MINK1: variants seen among roughly 807,000 people sequenced by gnomAD.
The protein encoded by MINK1 is misshapen-like kinase 1.
Under a neutral mutation model 178.4 loss-of-function variants are expected in MINK1, and 46 were observed. The ratio of observed to expected loss-of-function variants is 0.26; its 90% CI spans 0.20 to 0.33. The LOEUF is 0.33. MINK1 is among the 10% of genes least tolerant of loss of function. The pLI is 1.00. For synonymous variants in MINK1, 797 were observed against 709.7 expected (o/e 1.12, Z -1.96); for missense variants, 1,366 against 1,814.9 (o/e 0.75, Z 4.49).
chr17:4,866,808 T>C (rs533605844), intron 1 of MINK1, among the ~76,000 whole-genome samples: 1 of 151,490 alleles, frequency 6.6e-6, no homozygotes, highest in South Asian at 2.1e-4. Context: ...GCGCGGTGGC[T>C]CACGCCTGGA....
At chr17:4,882,117 A>G (rs1272206797) in intron 4 of MINK1, among the ~76,000 whole-genome samples, 1 of 152,246 alleles carries the variant, frequency 6.6e-6, no homozygotes, top group African/African-American at 2.4e-5. Flanking sequence ...TCTACCTGCC[A>G]GGTGTGTGTG....
chr17:4,834,778 G>C (rs1424182885), intron 1 of MINK1: 2 of 520,082 alleles, frequency 3.8e-6, no homozygotes, highest in Non-Finnish European at 7.7e-6. Flanking sequence ...CCCATCTCTA[G>C]GTTCGCTTCT....
At position 4,892,644 on chromosome 17, in the gene MINK1, C is replaced by T. The variant is rs1331228704; in HGVS notation, c.2199-12C>T. On this transcript the variant is annotated splice_polypyrimidine_tract_variant and intron_variant, in intron 18 of 31. Coordinates refer to ENST00000355280, the MANE Select transcript of MINK1 (RefSeq NM_153827.5). ...CCGTGCCTCCCTGACCCTGACTCTG[C>T]CCCCCCAACAGTAACCCCGACCTCA... The T allele has an allele frequency of 1.3e-6, 2 of 1,586,738 alleles. No individual in the cohort carries two copies. The highest frequency in any genetic ancestry group is 1.7e-6 in the Non-Finnish European group (2 of 1,163,752).
chr17:4,837,431 A>G (rs1416913106), intron 1 of MINK1, among the ~76,000 whole-genome samples: 1 of 152,232 alleles, frequency 6.6e-6, no homozygotes, highest in African/African-American at 2.4e-5. Flanking sequence ...TTTATGCACA[A>G]TTAAGAATAT....
At chr17:4,869,109 A>G (rs971337818) in intron 1 of MINK1, among the ~76,000 whole-genome samples, 2 of 151,640 alleles carry the variant, frequency 1.3e-5, no homozygotes, top group African/African-American at 4.8e-5. Context: ...TATTTTTAGT[A>G]GAGACGGGGT....
chr17:4,863,083 A>T (rs957767368), intron 1 of MINK1, among the ~76,000 whole-genome samples: 2 of 152,212 alleles, frequency 1.3e-5, no homozygotes, highest in African/African-American at 4.8e-5. Context: ...TGCCAAGGGA[A>T]AAGAAAAGAG....
chr17:4,859,081 C>G (rs1235735950), intron 1 of MINK1: 1 of 963,646 alleles, frequency 1.0e-6, no homozygotes, highest in South Asian at 4.8e-5. Context: ...CTGGCTCTAG[C>G]AGCAGGACCT....
chr17:4,873,143 C>T (rs543711747), intron 1 of MINK1, among the ~76,000 whole-genome samples: 1 of 152,332 alleles, frequency 6.6e-6, no homozygotes, highest in East Asian at 1.9e-4. Flanking sequence ...CCTCTTCTGG[C>T]GTCTGTTCTG....
chr17:4,894,160 C>T lies in MINK1; in HGVS notation c.2671-14C>T, dbSNP rs1380729509. The T allele has an allele frequency of 1.2e-6, 2 of 1,613,378 alleles. No homozygotes were observed. Among genetic ancestry groups the T allele is most frequent in the Non-Finnish European group, 1.7e-6 (2 of 1,179,630 alleles). ...CTCCTCAGCCCCACGCCAACCCTGC[C>T]CTCTGTCCTGTAGACCCCTGAAGAG... On this transcript the variant is annotated splice_polypyrimidine_tract_variant and intron_variant, in intron 22 of 31. Coordinates refer to ENST00000355280, the MANE Select transcript of MINK1 (RefSeq NM_153827.5). This position sits in a 1 kb window ranked among gnomAD's most constrained non-coding sequence, Gnocchi z 4.1.
chr17:4,889,723 TGCGGCGGGAGGAGGA>T lies in MINK1; in HGVS notation c.1315_1329del (p.Glu439_Arg443del). 6.4e-7 allele frequency: 1 copy of T among 1,551,458 alleles called. No individual in the cohort carries two copies. Among genetic ancestry groups the T allele is most frequent in the Admixed American group, 1.9e-5 (1 of 51,516 alleles). On this transcript the variant is annotated inframe_deletion, in exon 13 of 32. Coordinates refer to ENST00000355280, the MANE Select transcript of MINK1 (RefSeq NM_153827.5). ...CGGCGGCTGGAGGACATGCAGGCTC[TGCGGCGGGAGGAGGA>T]GCGGCGGCAGGCGGAGCGCGAGCAG...
At chr17:4,868,931 A>ATTTG (rs1227354263) in intron 1 of MINK1, 1 of 201,310 alleles carries the variant, frequency 5.0e-6, no homozygotes, top group Admixed American at 6.2e-5. Flanking sequence ...TTATTTATTT[A>ATTTG]TTTATTTTTT....
chr17:4,843,294 T>C (rs1358904330), intron 1 of MINK1, among the ~76,000 whole-genome samples: 4 of 151,964 alleles, frequency 2.6e-5, no homozygotes, highest in East Asian at 3.9e-4. Context: ...CTGGCCAACA[T>C]AGTGAAACCC....
chr17:4,850,488 A>T (rs1189915310), intron 1 of MINK1, among the ~76,000 whole-genome samples: 1 of 150,750 alleles, frequency 6.6e-6, no homozygotes, highest in Non-Finnish European at 1.5e-5. Flanking sequence ...TCAGAGTGTG[A>T]TTCAGACAGT....
At position 4,890,652 on chromosome 17, in the gene MINK1, C is replaced by A; in HGVS notation, c.1483C>A (p.Gln495Lys). The stretch of plus-strand genomic sequence containing the variant: ...GCAGCTTCAGAAACAGCAGCAGCAG[C>A]AGCTCCTGCCTGGGGACAGGAAGCC... ...QQQLQKQQQQ[Q>K]LLPGDRKPLY... Residue 495 changes from glutamine (Q) to lysine (K), a missense_variant, in exon 14 of 32, where the codon CAG becomes AAG. Around this residue, in one of 14 missense-constraint regions of MINK1, gnomAD observed 709 missense variants for 692.3 expected, o/e 1.02. Transcript: ENST00000355280. 6.4e-7 allele frequency: 1 copy of A among 1,552,140 alleles called. No homozygotes were observed. Among genetic ancestry groups the A allele is most frequent in the Non-Finnish European group, 8.7e-7 (1 of 1,147,696 alleles).
chr17:4,862,349 G>A (rs1466962882), intron 1 of MINK1, among the ~76,000 whole-genome samples: 1 of 152,148 alleles, frequency 6.6e-6, no homozygotes, highest in East Asian at 1.9e-4. Flanking sequence ...GGAGTTAGGT[G>A]AGGATTAAAT....
intron 21 of MINK1, 166 bp from the exon 22 acceptor site, chr17:4,893,822 C>A: frequency 1.2e-6 from 1 of 865,380 alleles, no homozygotes; most frequent in Non-Finnish European, 1.7e-6. Context: ...CCCTGTGTGC[C>A]ATGCAGGGAA....
chr17:4,844,650 C>G, intron 1 of MINK1: 1 of 451,616 alleles, frequency 2.2e-6, no homozygotes, highest in Admixed American at 2.7e-5. Context: ...GGCTCGTACC[C>G]AGAACTAATA....
In MINK1 at chr17:4,892,652, A is replaced by C. The variant is rs769669247; in HGVS notation, c.2199-4A>C. On this transcript the variant is annotated splice_region_variant and splice_polypyrimidine_tract_variant and intron_variant, in intron 18 of 31. Transcript: ENST00000355280. Reference sequence around the variant, plus strand: ...CCCTGACCCTGACTCTGCCCCCCCAACAGTAACCCCGACCTCAGGAGGAGC... The same window carrying C: ...CCCTGACCCTGACTCTGCCCCCCCACCAGTAACCCCGACCTCAGGAGGAGC... 1 of 1,597,256 alleles carries C rather than the reference A, an allele frequency of 6.3e-7. No homozygotes were observed. The highest frequency in any genetic ancestry group is 8.5e-7 in the Non-Finnish European group (1 of 1,170,464).
At chr17:4,873,863 G>A (rs895097376) in intron 1 of MINK1, among the ~76,000 whole-genome samples, 25 of 151,946 alleles carry the variant, frequency 1.6e-4, no homozygotes, top group Admixed American at 1.3e-3. Flanking sequence ...CTGATGATCC[G>A]GCGTTCTCAG....
Sources: gnomAD v4.1 joint callset for allele counts (sites outside exome capture counted in the v4.1 genomes callset) on GRCh38, gnomAD v4.1.1 for gene constraint, gnomAD v4.1.1 regional missense constraint, Gnocchi (gnomAD v3.1) non-coding constraint, MANE v1.5 for transcripts, NCBI Gene and HGNC (gene_info 2026-07-23, HGNC 2026-07-21) for gene names.